Variants in GSTA1 observed in about 807,000 individuals in gnomAD.
The protein encoded by GSTA1 is glutathione S-transferase A1.
A neutral mutation model predicts 21.5 loss-of-function variants in GSTA1; 23 were observed. The ratio of observed to expected loss-of-function variants is 1.07; its 90% CI spans 0.77 to 1.52. The LOEUF is 1.52. Among genes scored for constraint, GSTA1 ranks in the 40% most tolerant of loss-of-function variants. The probability of loss-of-function intolerance (pLI) is 0.00; values close to 1 mark genes in which losing one functional copy is unlikely to be tolerated. For missense variants in GSTA1, 301 were observed against 264.2 expected (o/e 1.14, Z -0.96); for synonymous variants, 125 against 90.0 (o/e 1.39, Z -2.20).
chr6:52,799,121 G>C, intron 2 of GSTA1, 60 bp downstream of exon 2: 1 of 1,492,932 alleles, frequency 6.7e-7, no homozygotes, highest in Non-Finnish European at 9.3e-7. Flanking sequence ...GTTTCTGTGG[G>C]AAAAGTATGT....
At chr6:52,799,445 G>T in intron 1 of GSTA1, 148 bp from the exon 2 acceptor site, 1 of 591,486 alleles carries the variant, frequency 1.7e-6, no homozygotes, top group Non-Finnish European at 2.9e-6. Context: ...TGTTTTCTTG[G>T]CTCAAATTGT....
At chr6:52,799,382 A>C in intron 1 of GSTA1, 85 bp from the exon 2 acceptor site, 1 of 829,278 alleles carries the variant, frequency 1.2e-6, no homozygotes. Flanking sequence ...ACCACCAACA[A>C]TACTGAAGAA....
chr6:52,792,645 C>A, intron 6 of GSTA1: 3 of 1,281,538 alleles, frequency 2.3e-6, no homozygotes, highest in Non-Finnish European at 1.0e-6. Context: ...GCAAAATACT[C>A]TTTGTGGGGT....
chr6:52,799,587 G>A (rs901197457), intron 1 of GSTA1, among the ~76,000 whole-genome samples: 1 of 152,148 alleles, frequency 6.6e-6, no homozygotes, highest in African/African-American at 2.4e-5. Context: ...TATTGGAAGA[G>A]GAAGAATTCA....
At chr6:52,793,365 T>G (rs888380796) in intron 5 of GSTA1, among the ~76,000 whole-genome samples, 1 of 152,082 alleles carries the variant, frequency 6.6e-6, no homozygotes, top group African/African-American at 2.4e-5. Context: ...GCTCTCTCCC[T>G]CTCCAATCTC....
At chr6:52,792,237 ATAGAT>A (rs150860695) in intron 6 of GSTA1, among the ~76,000 whole-genome samples, 1,568 of 152,296 alleles carry the variant, frequency 0.01, 23 homozygotes, top group African/African-American at 0.036. Context: ...CACTAATCCT[ATAGAT>A]TAGTGACTCT....
Position 52,792,836 on chromosome 6 carries a change from T to C in GSTA1, c.546+20A>G. 1 of 1,613,714 alleles carries C rather than the reference T, an allele frequency of 6.2e-7. No homozygotes were observed. Among genetic ancestry groups the C allele is most frequent in the Non-Finnish European group, 8.5e-7 (1 of 1,179,736 alleles). On this transcript the variant is annotated intron_variant, in intron 6 of 6. Transcript: ENST00000334575. Reference sequence around the variant, plus strand: ...GATGGGAGATGTGGGGCTGCCTCTCTGGGCTGTGAAATGGGTCACCTTCAG... The same window carrying C: ...GATGGGAGATGTGGGGCTGCCTCTCCGGGCTGTGAAATGGGTCACCTTCAG...
intron 3 of GSTA1, among the ~76,000 whole-genome samples, chr6:52,796,544 T>TA (rs371040479): frequency 0.53 from 21,198 of 39,768 alleles, 6,231 homozygotes; most frequent in Admixed American, 0.64. Flanking sequence ...TATATATATA[T>TA]TTTTTTTTTT....
chr6:52,796,455 CTATATATATATATATATATATATA>C (rs70977384), intron 3 of GSTA1, 141 bp from the exon 4 acceptor site: 7 of 252,428 alleles, frequency 2.8e-5, no homozygotes, highest in African/African-American at 8.2e-5. Flanking sequence ...GAAACAAAAA[CTATATATATATATATATATATATA>C]TATATATATA....
chr6:52,791,823 G>T lies in GSTA1; in HGVS notation c.*35C>A. On this transcript the variant is annotated 3_prime_UTR_variant, in exon 7 of 7. Transcript: ENST00000334575. ...TATTGTTGCAAAACTTTAGAACATT[G>T]GTATTGCAAGTTCTTGGCCTCCATG... is the stretch of plus-strand genomic sequence containing the variant. The T allele has an allele frequency of 3.7e-6, 6 of 1,612,448 alleles. No homozygotes were observed. Among genetic ancestry groups the T allele is most frequent in the Non-Finnish European group, 5.1e-6 (6 of 1,178,880 alleles).
intron 1 of GSTA1, among the ~76,000 whole-genome samples, chr6:52,801,457 G>C (rs1255972959): frequency 6.6e-6 from 1 of 152,170 alleles, no homozygotes; most frequent in African/African-American, 2.4e-5. Context: ...AAAGCATGGG[G>C]TATGCTTGTT....
rs1164895983 is a variant in GSTA1 at position 52,793,178 on chromosome 6, G to A, written c.415-191C>T. Among the ~76,000 whole-genome samples, 7 of 152,126 alleles carry A rather than the reference G, an allele frequency of 4.6e-5. No individual in the cohort carries two copies. The East Asian group carries it at 1.4e-3, about 29-fold the overall frequency. On this transcript the variant is annotated intron_variant, in intron 5 of 6. Transcript: ENST00000334575. ...GAACTGTAACTCTACTCACTCCTCA[G>A]TTGTAGCTCAGGCTCCCATTTTCTC... is the stretch of plus-strand genomic sequence containing the variant.
In GSTA1 at chr6:52,794,164, T is replaced by C. The variant is rs1051775; in HGVS notation, c.375A>G (p.Lys125=). ...GGAAGTAGCGATTTTTTATTTTCTCTTTGATCAAGGCAAGCTTGGCATCTT... is the reference window on the plus strand; with the variant it reads ...GGAAGTAGCGATTTTTTATTTTCTCCTTGATCAAGGCAAGCTTGGCATCTT... ...EEKDAKLALI[K]EKIKNRYFPA... Residue 125 remains lysine, a synonymous_variant, in exon 5 of 7, where the codon AAA becomes AAG. Coordinates refer to ENST00000334575, the MANE Select transcript of GSTA1 (RefSeq NM_145740.5). The C allele has an allele frequency of 0.39, 626,415 of 1,613,472 alleles. 129,166 individuals carry two copies. Among genetic ancestry groups the C allele is most frequent in the Non-Finnish European group, 0.42 (501,200 of 1,179,554 alleles).
At chr6:52,797,172 C>G (rs1271157327) in intron 3 of GSTA1, among the ~76,000 whole-genome samples, 1 of 152,146 alleles carries the variant, frequency 6.6e-6, no homozygotes, top group Non-Finnish European at 1.5e-5. Context: ...CAGTGTTACC[C>G]AGTCCCACTC....
chr6:52,798,868 T>A (rs1048094269), intron 2 of GSTA1, among the ~76,000 whole-genome samples: 2 of 152,334 alleles, frequency 1.3e-5, no homozygotes, highest in African/African-American at 2.4e-5. Context: ...CATGTCTTCA[T>A]ATATTCAATC....
At chr6:52,792,653 G>A in intron 6 of GSTA1, 1 of 1,323,374 alleles carries the variant, frequency 7.6e-7, no homozygotes, top group Non-Finnish European at 1.0e-6. Context: ...CTCTTTGTGG[G>A]GTAGCATGCA....
chr6:52,792,974 T>C lies in GSTA1; in HGVS notation c.428A>G (p.His143Arg), dbSNP rs1187923171. ...FPAFEKVLKS[H>R]GQDYLVGNKL... ...GTTGCCAACAAGGTAGTCTTGTCCA[T>C]GGCTCTTTAAGACCTGGAGAATGGG... Residue 143 changes from histidine to arginine, a missense_variant, in exon 6 of 7, where the codon CAT (histidine) becomes CGT (arginine). His to Arg is a conservative substitution (Grantham distance 29). Coordinates refer to ENST00000334575, the MANE Select transcript of GSTA1 (RefSeq NM_145740.5). 1 of 1,614,096 alleles carries C rather than the reference T, an allele frequency of 6.2e-7. No individual in the cohort carries two copies. The highest frequency in any genetic ancestry group is 1.1e-5 in the South Asian group (1 of 91,074).
intron 4 of GSTA1, among the ~76,000 whole-genome samples, chr6:52,795,449 G>T (rs561608186): frequency 6.6e-6 from 1 of 152,134 alleles, no homozygotes; most frequent in East Asian, 1.9e-4. Context: ...AATATATAGT[G>T]TGGATGTATT....
At chr6:52,795,135 C>T (rs151150592) in intron 4 of GSTA1, among the ~76,000 whole-genome samples, 6 of 152,320 alleles carry the variant, frequency 3.9e-5, no homozygotes, top group African/African-American at 1.4e-4. Context: ...AGCCCCACTC[C>T]TTTAGCTCCA....
Sources: gnomAD v4.1 joint callset for allele counts (sites outside exome capture counted in the v4.1 genomes callset) on GRCh38, gnomAD v4.1.1 for gene constraint, MANE v1.5 for transcripts, NCBI Gene and HGNC (gene_info 2026-07-23, HGNC 2026-07-21) for gene names.